Variants in RTN3 observed in about 807,000 individuals in gnomAD.
The protein encoded by RTN3 is reticulon-3.
Under a neutral mutation model 77.8 loss-of-function variants are expected in RTN3, and 49 were observed. That is an observed-to-expected ratio of 0.63 (90% CI 0.50 to 0.80). The LOEUF (loss-of-function observed/expected upper bound fraction) is 0.80. Among genes scored for constraint, RTN3 ranks in the 30% least tolerant of loss-of-function variants. The pLI is 0.00. For missense variants in RTN3, 1,236 were observed against 1,211.9 expected (o/e 1.02, Z -0.29); for synonymous variants, 464 against 446.9 (o/e 1.04, Z -0.48).
intron 1 of RTN3, among the ~76,000 whole-genome samples, chr11:63,700,456 TAA>T (rs1942180674): frequency 6.6e-6 from 1 of 151,122 alleles, no homozygotes; most frequent in Non-Finnish European, 1.5e-5. Flanking sequence ...TTTTTTTTTT[TAA>T]TTTTTTGTGG....
At chr11:63,746,821 AAATTT>A (rs1231085839) in intron 3 of RTN3, 1 of 373,476 alleles carries the variant, frequency 2.7e-6, no homozygotes, top group Non-Finnish European at 5.5e-6. Flanking sequence ...GCTGTTAAGG[AAATTT>A]AACAGTAATT....
intron 3 of RTN3, among the ~76,000 whole-genome samples, chr11:63,724,585 G>A (rs1028766800): frequency 2.8e-5 from 4 of 143,706 alleles, no homozygotes; most frequent in South Asian, 2.3e-4. Flanking sequence ...TCCACCTCCC[G>A]GGTTCAAGCG....
rs518304 is a variant in RTN3, at chr11:63,735,338, A to G, written c.2530+14306A>G. ...AGTAGTTCCATTTACAATAGCACCA[A>G]AAGCATAAAATACTTGGAATAAATT... On this transcript the variant is annotated intron_variant, in intron 3 of 8. Coordinates refer to ENST00000377819, the MANE Select transcript of RTN3 (RefSeq NM_001265589.2). Among the ~76,000 whole-genome samples, 1,003 of 152,294 alleles carry G rather than the reference A, an allele frequency of 6.6e-3. 11 individuals are homozygous for G. The highest frequency in any genetic ancestry group is 0.023 in the African/African-American group (950 of 41,560).
At chr11:63,750,871 A>G (rs891222107) in intron 4 of RTN3, among the ~76,000 whole-genome samples, 1 of 152,018 alleles carries the variant, frequency 6.6e-6, no homozygotes, top group Non-Finnish European at 1.5e-5. Flanking sequence ...AGCTGGGACT[A>G]CAGGCACCCA....
chr11:63,736,973 C>CTT lies in RTN3; in HGVS notation c.2531-13003_2531-13002dup, dbSNP rs542211160. On this transcript the variant is annotated intron_variant, in intron 3 of 8. Coordinates refer to ENST00000377819, the MANE Select transcript of RTN3 (RefSeq NM_001265589.2). ...GAGTCTTGGAAGCTATCATAGAATCCTTTTTTTTTTTTTTTTCCCTGTGAT... is the reference window on the plus strand; with the variant it reads ...GAGTCTTGGAAGCTATCATAGAATCCTTTTTTTTTTTTTTTTTTCCCTGTGAT... 2.6e-3 allele frequency among the ~76,000 whole-genome samples: 368 copies of CTT among 140,688 alleles called. 1 individual carries two copies. The highest frequency in any genetic ancestry group is 7.9e-3 in the African/African-American group (303 of 38,224). 92.3% of individuals were successfully genotyped at this position (140,688 alleles called of 152,430 possible). A position where few individuals can be genotyped will look rare whatever the true frequency, so the allele number is the denominator to read the frequency against.
chr11:63,744,867 C>CTATA (rs1555079959), intron 3 of RTN3, among the ~76,000 whole-genome samples: 3 of 152,142 alleles, frequency 2.0e-5, no homozygotes, highest in African/African-American at 7.2e-5. Flanking sequence ...TGGTGCACGC[C>CTATA]TATAGTCCTA....
At chr11:63,708,371 G>C (rs1480406976) in intron 2 of RTN3, among the ~76,000 whole-genome samples, 2 of 152,040 alleles carry the variant, frequency 1.3e-5, no homozygotes, top group African/African-American at 2.4e-5. Context: ...GGTCTCACTA[G>C]ATTGCCCAGG....
intron 2 of RTN3, 118 bp from the exon 3 acceptor site, chr11:63,718,563 ATGTGTGTATATATACATCCTG>A: frequency 2.0e-6 from 1 of 489,040 alleles, no homozygotes; most frequent in Non-Finnish European, 3.4e-6. Context: ...TTACATATTT[ATGTGTGTATATATACATCCTG>A]TGTGTGTATA....
At chr11:63,721,144 A>G (rs1348053705) in intron 3 of RTN3, 112 bp downstream of exon 3, 61 of 905,286 alleles carry the variant, frequency 6.7e-5, no homozygotes, top group Non-Finnish European at 9.2e-5. Context: ...CTAAAATACA[A>G]AAACAATATG....
At chr11:63,705,158 T>G (rs1942436138) in intron 2 of RTN3, among the ~76,000 whole-genome samples, 1 of 152,190 alleles carries the variant, frequency 6.6e-6, no homozygotes, top group Non-Finnish European at 1.5e-5. Context: ...TCTTTAAAAT[T>G]AAAAACTTGC....
Position 63,719,277 on chromosome 11 carries a change from A to G in RTN3, c.775A>G (p.Lys259Glu). 1 of 1,614,158 alleles carries G rather than the reference A, an allele frequency of 6.2e-7. No individual in the cohort carries two copies. The highest frequency in any genetic ancestry group is 1.6e-4 in the Middle Eastern group (1 of 6,062). Residue 259 changes from lysine (K) to glutamate (E), a missense_variant, in exon 3 of 9, where the codon AAA (lysine) becomes GAA (glutamate). Physicochemically the swap from Lys to Glu is moderately conservative, Grantham distance 56. Around this residue, in one of 3 missense-constraint regions of RTN3, gnomAD observed 1,056 missense variants for 990.4 expected, o/e 1.07. Transcript: ENST00000377819. ...EVIIDKAAFDKEFKDSYKEST... is the reference protein window; with the variant it reads ...EVIIDKAAFDEEFKDSYKEST... ...AATTATTGACAAAGCAGCATTTGAC[A>G]AAGAATTTAAAGACTCATATAAGGA...
At chr11:63,695,891 A>G (rs951749131) in intron 1 of RTN3, among the ~76,000 whole-genome samples, 1 of 152,202 alleles carries the variant, frequency 6.6e-6, no homozygotes, top group African/African-American at 2.4e-5. Flanking sequence ...AAAGAAGGAC[A>G]GAGTGAGACC....
intron 7 of RTN3, 95 bp downstream of exon 7, chr11:63,753,803 T>A (rs113591410): frequency 2.7e-6 from 3 of 1,130,652 alleles, no homozygotes; most frequent in African/African-American, 3.0e-5. Context: ...GCAGTCTTTT[T>A]ATAACTATTT....
chr11:63,696,102 A>AC (rs1018945735), intron 1 of RTN3, among the ~76,000 whole-genome samples: 7 of 151,924 alleles, frequency 4.6e-5, no homozygotes, highest in Non-Finnish European at 8.8e-5. Context: ...TAAAAAAAAA[A>AC]AAAAAACCTA....
intron 3 of RTN3, among the ~76,000 whole-genome samples, chr11:63,731,510 G>A (rs1327462662): frequency 6.6e-6 from 1 of 152,084 alleles, no homozygotes; most frequent in African/African-American, 2.4e-5. Flanking sequence ...AATTAAGACA[G>A]TTTTACCTAA....
At chr11:63,724,173 CTTTTTTTTTTTTTTTTT>C (rs958114305) in intron 3 of RTN3, among the ~76,000 whole-genome samples, 2 of 85,464 alleles carry the variant, frequency 2.3e-5, no homozygotes, top group Non-Finnish European at 4.7e-5. Context: ...TTTAGGAATT[CTTTTTTTTTTTTTTTTT>C]TTTTTTTTTT....
At chr11:63,741,853 CT>C (rs747557842) in intron 3 of RTN3, among the ~76,000 whole-genome samples, 30 of 151,902 alleles carry the variant, frequency 2.0e-4, no homozygotes, top group Non-Finnish European at 3.5e-4. Context: ...TCTGGATTTT[CT>C]ATACCATTCT....
intron 2 of RTN3, among the ~76,000 whole-genome samples, chr11:63,712,870 C>T (rs1008371820): frequency 9.9e-5 from 15 of 152,088 alleles, no homozygotes; most frequent in African/African-American, 3.6e-4. Context: ...CCGAGGCAGG[C>T]GAATCACCTG....
chr11:63,700,472 C>T (rs544591511), intron 1 of RTN3, among the ~76,000 whole-genome samples: 1 of 150,520 alleles, frequency 6.6e-6, no homozygotes, highest in Admixed American at 6.6e-5. Context: ...TTTGTGGAGA[C>T]AGGATCTCAC....
Sources: allele counts gnomAD v4.1 joint callset (sites outside exome capture counted in the v4.1 genomes callset), GRCh38; gene constraint gnomAD v4.1.1; regional missense constraint gnomAD v4.1.1; transcripts MANE v1.5; gene names NCBI Gene and HGNC (gene_info 2026-07-23, HGNC 2026-07-21).